Variants in SRFBP1 observed in about 807,000 individuals in gnomAD.
The protein encoded by SRFBP1 is serum response factor-binding protein 1.
A neutral mutation model predicts 45.5 loss-of-function variants in SRFBP1; 47 were observed. That is an observed-to-expected ratio of 1.03 (90% confidence interval 0.82 to 1.32). The LOEUF is 1.32. SRFBP1 is among the 40% of genes most tolerant of loss of function. The probability of loss-of-function intolerance (pLI) is 0.00; values close to 1 mark genes in which losing one functional copy is unlikely to be tolerated. For synonymous variants in SRFBP1, 203 were observed against 166.3 expected (o/e 1.22, Z -1.70); for missense variants, 621 against 484.6 (o/e 1.28, Z -2.64).
intron 3 of SRFBP1, among the ~76,000 whole-genome samples, chr5:121,988,319 C>T (rs967408593): frequency 1.3e-5 from 2 of 152,108 alleles, no homozygotes; most frequent in African/African-American, 2.4e-5. Flanking sequence ...ATGAGTGGGT[C>T]AGGAGTCCCC....
intron 4 of SRFBP1, among the ~76,000 whole-genome samples, chr5:121,997,264 A>G (rs1321472977): frequency 1.3e-5 from 2 of 148,706 alleles, no homozygotes; most frequent in Non-Finnish European, 3.0e-5. Flanking sequence ...ACTTCAAACT[A>G]TACTACAAGG....
At chr5:122,029,067 G>A (rs1753550668), downstream of SRFBP1, among the ~76,000 whole-genome samples, 1 of 151,932 alleles carries the variant, frequency 6.6e-6, no homozygotes. Context: ...TCGACTTGGA[G>A]TGATTTTCCC....
intron 1 of SRFBP1, among the ~76,000 whole-genome samples, chr5:121,973,252 A>G (rs1752236640): frequency 6.6e-6 from 1 of 151,832 alleles, no homozygotes; most frequent in Non-Finnish European, 1.5e-5. Context: ...AGATGCTTTA[A>G]TGACAGAATC....
intron 2 of SRFBP1, among the ~76,000 whole-genome samples, chr5:122,069,088 C>T (rs920249210): frequency 6.6e-6 from 1 of 152,062 alleles, no homozygotes; most frequent in African/African-American, 2.4e-5. Context: ...TCATCTATCT[C>T]TAATGTTGTG....
intron 1 of SRFBP1, among the ~76,000 whole-genome samples, chr5:121,968,084 A>T (rs116006529): frequency 6.6e-6 from 1 of 152,078 alleles, no homozygotes; most frequent in East Asian, 1.9e-4. Flanking sequence ...TACCCAGTGT[A>T]TAGTATTGTG....
intron 1 of SRFBP1, among the ~76,000 whole-genome samples, chr5:121,964,024 C>T (rs1752008457): frequency 6.6e-6 from 1 of 152,030 alleles, no homozygotes; most frequent in African/African-American, 2.4e-5. Context: ...GAAACCATCT[C>T]AGAAAATAGG....
At chr5:122,072,469 ATATT>A (rs1304401132) in intron 2 of SRFBP1, among the ~76,000 whole-genome samples, 4 of 152,202 alleles carry the variant, frequency 2.6e-5, no homozygotes, top group African/African-American at 4.8e-5. Flanking sequence ...AGTTTCGTAT[ATATT>A]TAATATGTAA....
intron 4 of SRFBP1, among the ~76,000 whole-genome samples, chr5:122,003,443 C>T (rs2112687189): frequency 6.6e-6 from 1 of 151,868 alleles, no homozygotes; most frequent in South Asian, 2.1e-4. Context: ...CAGAATAGTG[C>T]TAATTAAATC....
chr5:121,975,423 T>C (rs542095006), intron 3 of SRFBP1, 36 bp downstream of exon 3: 9 of 1,608,294 alleles, frequency 5.6e-6, no homozygotes, highest in Non-Finnish European at 7.7e-6. Context: ...TGTGTATGTT[T>C]CTGAGTATCC....
In SRFBP1 at chr5:122,070,551, G is replaced by A. The variant is rs998926625; in HGVS notation, n.312-4764G>A. 1.2e-6 allele frequency: 2 copies of A among 1,609,112 alleles called. No individual in the cohort carries two copies. The highest frequency in any genetic ancestry group is 1.7e-5 in the Admixed American group (1 of 59,838). ...TAATATCAATCCACTGGCAGTCTAT[G>A]TCTGCACCATAGGTATCATAACAGC... On this transcript the variant is annotated intron_variant and non_coding_transcript_variant, in intron 2 of 2. Coordinates refer to the SRFBP1 transcript ENST00000504881.
downstream of SRFBP1, among the ~76,000 whole-genome samples, chr5:122,032,385 C>T (rs904149425): frequency 6.6e-6 from 1 of 151,606 alleles, no homozygotes; most frequent in Admixed American, 6.6e-5. Context: ...GTTCTTTCCA[C>T]CCCATTCCCG....
Position 122,027,242 on chromosome 5 carries a change from C to A in SRFBP1, c.*116C>A. Reference sequence around the variant, plus strand: ...ATATTGCAATCACAGCTCACTGCAGCCTCAAACTCCTGGGCTCAAGTGATC... The same window carrying A: ...ATATTGCAATCACAGCTCACTGCAGACTCAAACTCCTGGGCTCAAGTGATC... On this transcript the variant is annotated 3_prime_UTR_variant, in exon 8 of 8. Transcript: ENST00000339397. 1 of 808,366 alleles carries A rather than the reference C, an allele frequency of 1.2e-6. No individual in the cohort carries two copies. The highest frequency in any genetic ancestry group is 2.9e-5 in the East Asian group (1 of 34,506). The allele number at this position is 808,366 out of a possible 1,614,324, so 50.1% of individuals were successfully genotyped here.
intron 3 of SRFBP1, among the ~76,000 whole-genome samples, chr5:121,979,166 C>T (rs972190316): frequency 1.3e-5 from 2 of 152,160 alleles, no homozygotes; most frequent in African/African-American, 4.8e-5. Flanking sequence ...AATATAATAA[C>T]TATATCATAC....
chr5:121,994,786 T>C, intron 4 of SRFBP1, 116 bp downstream of exon 4: 1 of 642,320 alleles, frequency 1.6e-6, no homozygotes, highest in Non-Finnish European at 2.6e-6. Context: ...TAATTAGTTT[T>C]CCTAACTGAA....
At chr5:122,058,632 A>G (rs1754124176) in intron 2 of SRFBP1, among the ~76,000 whole-genome samples, 1 of 151,876 alleles carries the variant, frequency 6.6e-6, no homozygotes, top group African/African-American at 2.4e-5. Flanking sequence ...CTATCGTTAT[A>G]TATCTGGGCT....
intron 3 of SRFBP1, among the ~76,000 whole-genome samples, chr5:121,982,728 C>G (rs1310910295): frequency 6.6e-6 from 1 of 151,634 alleles, no homozygotes; most frequent in Non-Finnish European, 1.5e-5. Flanking sequence ...GGAGCTGATT[C>G]TGGAATTCTT....
rs1753534255 is a variant in SRFBP1, at chr5:122,028,459, T to G, written c.*1333T>G. Reference sequence around the variant, plus strand: ...TGTCTCTACTAAAAATACAGAAAATTATCCAGGCGTGGTGGCCGGCATCTG... The same window carrying G: ...TGTCTCTACTAAAAATACAGAAAATGATCCAGGCGTGGTGGCCGGCATCTG... On this transcript the variant is annotated 3_prime_UTR_variant, in exon 8 of 8. Transcript: ENST00000339397. 1 of 151,998 alleles carries G rather than the reference T, an allele frequency of 6.6e-6. No homozygotes were observed. The highest frequency in any genetic ancestry group is 2.4e-5 in the African/African-American group (1 of 41,376). 9.4% of individuals were successfully genotyped at this position (151,998 alleles called of 1,614,324 possible).
intron 1 of SRFBP1, among the ~76,000 whole-genome samples, chr5:121,962,437 A>G (rs764781287): frequency 4.6e-5 from 7 of 152,236 alleles, no homozygotes; most frequent in Non-Finnish European, 8.8e-5. Context: ...AACTTTCAGT[A>G]CACATTACCT....
chr5:122,068,843 ATAAAT>A (rs1217852357), intron 2 of SRFBP1, among the ~76,000 whole-genome samples: 8 of 152,190 alleles, frequency 5.3e-5, no homozygotes, highest in East Asian at 3.9e-4. Context: ...GAATGGATGA[ATAAAT>A]TAAGGAATTA....
Sources: gnomAD v4.1 joint callset for allele counts (sites outside exome capture counted in the v4.1 genomes callset) on GRCh38, gnomAD v4.1.1 for gene constraint, MANE v1.5 for transcripts, NCBI Gene and HGNC (gene_info 2026-07-23, HGNC 2026-07-21) for gene names.